EXT1: variants seen among roughly 807,000 people sequenced by gnomAD.
The protein encoded by EXT1 is exostosin glycosyltransferase 1.
A neutral mutation model predicts 82.5 loss-of-function variants in EXT1; 20 were observed. The ratio of observed to expected loss-of-function variants is 0.24; its 90% confidence interval spans 0.17 to 0.35. EXT1 has a LOEUF of 0.35. Ranked by LOEUF, EXT1 falls within the 10% of genes least tolerant of loss-of-function variation. EXT1 has a pLI of 1.00. For missense variants in EXT1, 757 were observed against 936.5 expected, an observed-to-expected ratio of 0.81 and a Z score of 2.50; for synonymous variants, 348 against 350.8, an observed-to-expected ratio of 0.99 and a Z score of 0.09.
At chr8:118,047,422 A>C (rs1816639860) in intron 1 of EXT1, among the ~76,000 whole-genome samples, 1 of 152,330 alleles carries the variant, frequency 6.6e-6, no homozygotes, top group South Asian at 2.1e-4. Flanking sequence ...ATAAGGATAC[A>C]TCAAAGTTCT....
chr8:118,002,905 G>A (rs1245351458), intron 1 of EXT1, among the ~76,000 whole-genome samples: 1 of 152,034 alleles, frequency 6.6e-6, no homozygotes, highest in African/African-American at 2.4e-5. Context: ...AGGAAAAGAA[G>A]TCGTATGAAA....
At chr8:117,832,183 A>G (rs1283045829) in intron 3 of EXT1, among the ~76,000 whole-genome samples, 1 of 152,186 alleles carries the variant, frequency 6.6e-6, no homozygotes, top group Non-Finnish European at 1.5e-5. Context: ...TAAGAGTTAT[A>G]TAGGTTGGCA....
At chr8:118,031,013 G>A (rs1002799786) in intron 1 of EXT1, among the ~76,000 whole-genome samples, 31 of 152,058 alleles carry the variant, frequency 2.0e-4, no homozygotes, top group Admixed American at 2.0e-3. Context: ...ACAAATTCTT[G>A]AAGGCATGAG....
At chr8:118,033,957 C>T (rs7819492) in intron 1 of EXT1, among the ~76,000 whole-genome samples, 67,991 of 151,834 alleles carry the variant, frequency 0.45, 15,559 homozygotes, top group Middle Eastern at 0.52. Flanking sequence ...AAAGAGATGG[C>T]GAGAAGCTAA....
rs553989316 is a variant in EXT1 at position 117,977,336 on chromosome 8, G to A, written c.962+132749C>T. 2.6e-3 allele frequency among the ~76,000 whole-genome samples: 396 copies of A among 149,700 alleles called. 4 individuals carry two copies. Among genetic ancestry groups the A allele is most frequent in the African/African-American group, 8.8e-3 (358 of 40,468 alleles). On this transcript the variant is annotated intron_variant, in intron 1 of 10. Transcript: ENST00000378204. ...CAGGACGCGGAGGCTACAGCGAGCC[G>A]TGATTGTGCCACTGCATACCAGCCT...
rs765113358 is a variant in EXT1, at chr8:117,799,780, C to T, written c.2173G>A (p.Asp725Asn). ...MPLIHSQMRL[D>N]PVLFKDQVSI... Reference sequence around the variant, plus strand: ...ACCTGGTCTTTAAAGAGGACGGGGTCGAGCCTCATCTGAGAGTGGATCAGC... The same window carrying T: ...ACCTGGTCTTTAAAGAGGACGGGGTTGAGCCTCATCTGAGAGTGGATCAGC... The change falls in exon 11 of 11, where the codon GAC (aspartate) becomes AAC (asparagine). Residue 725 changes from aspartate (D) to asparagine (N), a missense_variant. Coordinates refer to ENST00000378204, the MANE Select transcript of EXT1 (RefSeq NM_000127.3). 1.2e-6 allele frequency: 2 copies of T among 1,614,080 alleles called. No individual in the cohort carries two copies. Among genetic ancestry groups the T allele is most frequent in the Non-Finnish European group, 1.7e-6 (2 of 1,180,028 alleles).
chr8:117,956,458 A>C (rs1814588017), intron 1 of EXT1, among the ~76,000 whole-genome samples: 1 of 152,156 alleles, frequency 6.6e-6, no homozygotes, highest in South Asian at 2.1e-4. Flanking sequence ...CTCTAAAAAA[A>C]AAAATTTTTG....
chr8:118,042,965 C>T (rs569937813), intron 1 of EXT1, among the ~76,000 whole-genome samples: 1 of 152,182 alleles, frequency 6.6e-6, no homozygotes, highest in Non-Finnish European at 1.5e-5. Flanking sequence ...AACTTTTGAG[C>T]CCCAACTCTA....
intron 1 of EXT1, among the ~76,000 whole-genome samples, chr8:117,917,607 C>G (rs939708382): frequency 1.8e-4 from 28 of 152,124 alleles, no homozygotes; most frequent in African/African-American, 6.0e-4. Flanking sequence ...AATGGTTTCA[C>G]CTCAAAGATG....
chr8:117,989,917 C>T (rs948305582), intron 1 of EXT1, among the ~76,000 whole-genome samples: 12 of 152,128 alleles, frequency 7.9e-5, no homozygotes, highest in Non-Finnish European at 1.3e-4. Context: ...AGACTGGAGG[C>T]GGGCACAGTG....
In EXT1 at chr8:117,818,430, C is replaced by T; in HGVS notation, c.1632+5G>A. On this transcript the variant is annotated splice_donor_5th_base_variant and intron_variant, in intron 7 of 10. Coordinates refer to ENST00000378204, the MANE Select transcript of EXT1 (RefSeq NM_000127.3). ...TTCCACATATAGGTCCCCTTCGAGT[C>T]TTACCTTGCTCTCTCCTTCAATGAC... The T allele has an allele frequency of 6.2e-7, 1 of 1,614,028 alleles. No homozygotes were observed. The highest frequency in any genetic ancestry group is 1.1e-5 in the South Asian group (1 of 91,068).
chr8:117,906,073 C>G (rs974467401), intron 1 of EXT1, among the ~76,000 whole-genome samples: 2 of 152,288 alleles, frequency 1.3e-5, no homozygotes, highest in Non-Finnish European at 2.9e-5. Context: ...CTTCCTCATT[C>G]TTTAGTATCC....
chr8:117,811,906 G>A (rs1479417940), intron 8 of EXT1, among the ~76,000 whole-genome samples: 4 of 152,222 alleles, frequency 2.6e-5, no homozygotes, highest in Admixed American at 1.3e-4. Context: ...GAGCCACCGC[G>A]TCAGGCCACA....
intron 1 of EXT1, 118 bp downstream of exon 1, chr8:118,109,967 A>C: frequency 6.5e-7 from 1 of 1,530,722 alleles, no homozygotes; most frequent in Non-Finnish European, 9.0e-7. Flanking sequence ...TCCAGGCTCA[A>C]AGGGGAAAGA....
At chr8:117,947,791 A>G (rs1814417331) in intron 1 of EXT1, among the ~76,000 whole-genome samples, 2 of 152,324 alleles carry the variant, frequency 1.3e-5, no homozygotes, top group South Asian at 2.1e-4. Context: ...CAAGGACACA[A>G]CCCTATTGGA....
At chr8:117,985,674 T>G (rs545068712) in intron 1 of EXT1, among the ~76,000 whole-genome samples, 1 of 152,258 alleles carries the variant, frequency 6.6e-6, no homozygotes, top group Non-Finnish European at 1.5e-5. Context: ...AAAAAAACTG[T>G]TCATTAGAGC....
At chr8:118,074,991 C>T (rs1048420233) in intron 1 of EXT1, among the ~76,000 whole-genome samples, 6 of 152,196 alleles carry the variant, frequency 3.9e-5, no homozygotes, top group Admixed American at 3.3e-4. Flanking sequence ...CAGTCTCATT[C>T]ATTTCCCATC....
intron 1 of EXT1, among the ~76,000 whole-genome samples, chr8:117,871,679 G>T (rs987339545): frequency 2.0e-5 from 3 of 152,144 alleles, no homozygotes; most frequent in South Asian, 2.1e-4. Context: ...CCATGGTCAG[G>T]TTAGGTTGTG....
At chr8:117,881,661 T>C (rs4876766) in intron 1 of EXT1, among the ~76,000 whole-genome samples, 7 of 152,186 alleles carry the variant, frequency 4.6e-5, no homozygotes, top group Non-Finnish European at 8.8e-5. Context: ...GCAAAGACTA[T>C]ATTGGGAAAC....
Sources: allele counts gnomAD v4.1 joint callset (sites outside exome capture counted in the v4.1 genomes callset), GRCh38; gene constraint gnomAD v4.1.1; transcripts MANE v1.5; gene names NCBI Gene and HGNC (gene_info 2026-07-23, HGNC 2026-07-21).